PCDHGB2: variants seen among roughly 807,000 people sequenced by gnomAD.
The protein encoded by PCDHGB2 is protocadherin gamma-B2.
PCDHGB2 carries 55 observed loss-of-function variants against 59.3 expected under a neutral mutation model. The observed-to-expected ratio is 0.93, with a 90% CI of 0.75 to 1.16. The LOEUF (loss-of-function observed/expected upper bound fraction) is 1.16, where lower values mean the gene tolerates loss of function less well. Among genes scored for constraint, PCDHGB2 ranks in the 50% most tolerant of loss-of-function variants. PCDHGB2 has a pLI of 0.00. For missense variants in PCDHGB2, 1,228 were observed against 1,198.5 expected, an observed-to-expected ratio of 1.02 and a Z score of -0.36; for synonymous variants, 516 against 512.0, an observed-to-expected ratio of 1.01 and a Z score of -0.11.
chr5:141,469,155 A>C (rs1342352040), intron 1 of PCDHGB2, among the ~76,000 whole-genome samples: 3 of 152,108 alleles, frequency 2.0e-5, no homozygotes, highest in Admixed American at 1.3e-4. Context: ...ACATGTCTGT[A>C]GTCCCAGCTA....
chr5:141,378,118 C>T (rs1196603036), intron 1 of PCDHGB2: 3 of 152,190 alleles, frequency 2.0e-5, no homozygotes, highest in Non-Finnish European at 4.4e-5. Context: ...ATAGTGAACA[C>T]GTATTTGTTG....
intron 1 of PCDHGB2, chr5:141,392,843 C>T (rs77141792): frequency 0.027 from 43,247 of 1,608,962 alleles, 854 homozygotes; most frequent in African/African-American, 0.093. Context: ...GCCCCAGACG[C>T]GGCGAGCTGA....
intron 3 of PCDHGB2, among the ~76,000 whole-genome samples, chr5:141,509,044 C>G (rs1385744160): frequency 1.3e-5 from 2 of 152,130 alleles, no homozygotes. Flanking sequence ...CCCTCTCCCC[C>G]GCCCCCAGAA....
chr5:141,382,044 G>T (rs940702463), intron 1 of PCDHGB2, among the ~76,000 whole-genome samples: 4 of 151,760 alleles, frequency 2.6e-5, no homozygotes, highest in African/African-American at 9.7e-5. Flanking sequence ...GGTCAGGCTG[G>T]TCTCAAGCTC....
intron 1 of PCDHGB2, among the ~76,000 whole-genome samples, chr5:141,460,620 C>G (rs185269852): frequency 5.6e-4 from 85 of 151,856 alleles, no homozygotes; most frequent in African/African-American, 1.9e-3. Context: ...GATAGATAGA[C>G]AGATACAGAT....
chr5:141,377,157 T>C (rs1773738723), intron 1 of PCDHGB2: 1 of 152,278 alleles, frequency 6.6e-6, no homozygotes, highest in South Asian at 2.1e-4. Context: ...GTCCTAGTTT[T>C]TCTTTACCTT....
chr5:141,361,341 C>G lies in PCDHGB2; in HGVS notation c.1206C>G (p.Tyr402Ter). ...TGAAATCTTCCTCAAAGAACTATTA[C>G]AAACTAGTGACAGACGGCGCTCTGG... is the stretch of plus-strand genomic sequence containing the variant. Reference protein sequence around the residue: ...FILKSSSKNYYKLVTDGALDR... With the variant: ...FILKSSSKNY Residue 402 changes from tyrosine to a stop codon, truncating the protein, a stop_gained, in exon 1 of 4, where the codon TAC becomes TAG. Transcript: ENST00000522605. LOFTEE classifies it high-confidence loss of function. The G allele has an allele frequency of 6.2e-7, 1 of 1,613,988 alleles. No individual in the cohort carries two copies. The highest frequency in any genetic ancestry group is 1.1e-5 in the South Asian group (1 of 91,082).
At chr5:141,468,924 C>G (rs1434433938) in intron 1 of PCDHGB2, among the ~76,000 whole-genome samples, 1 of 150,520 alleles carries the variant, frequency 6.6e-6, no homozygotes, top group Non-Finnish European at 1.5e-5. Context: ...GAGAATAGCA[C>G]TAAAATGGGA....
chr5:141,390,371 T>C (rs761971479), intron 1 of PCDHGB2: 15 of 1,499,488 alleles, frequency 1.0e-5, no homozygotes, highest in Non-Finnish European at 3.6e-6. Context: ...GGAAAATATA[T>C]AATTTTTAGA....
intron 1 of PCDHGB2, among the ~76,000 whole-genome samples, chr5:141,484,319 C>T (rs1191113560): frequency 6.6e-6 from 1 of 152,212 alleles, no homozygotes; most frequent in Non-Finnish European, 1.5e-5. Context: ...CGCTTCCATA[C>T]TGTCCTTGAA....
Position 141,490,778 on chromosome 5 carries a change from A to T in PCDHGB2, c.2422-4029A>T, listed in dbSNP as rs964301520. The T allele has an allele frequency of 5.6e-6, 9 of 1,614,098 alleles. No individual in the cohort carries two copies. The highest frequency in any genetic ancestry group is 7.6e-6 in the Non-Finnish European group (9 of 1,179,962). On this transcript the variant is annotated intron_variant, in intron 1 of 3. Transcript: ENST00000522605. This position sits in a 1 kb window ranked among gnomAD's most constrained non-coding sequence, Gnocchi z 5.4. ...TCCTTTGTGTATGTCAACCCAGAGG[A>T]TGGACGGATCTTTGCCCAGCGTACC... is the stretch of plus-strand genomic sequence containing the variant.
chr5:141,471,112 G>A (rs1442344944), intron 1 of PCDHGB2, among the ~76,000 whole-genome samples: 3 of 147,914 alleles, frequency 2.0e-5, no homozygotes, highest in Non-Finnish European at 4.4e-5. Flanking sequence ...GCAGTGGTGC[G>A]ATCTTACCTT....
intron 1 of PCDHGB2, chr5:141,478,592 TC>T: frequency 6.4e-7 from 1 of 1,570,334 alleles, no homozygotes; most frequent in Non-Finnish European, 8.6e-7. Flanking sequence ...GCTTTTTTAT[TC>T]CTACATCATA....
chr5:141,432,025 G>T lies in PCDHGB2; in HGVS notation c.2422-62782G>T. ...AGGTTCCTAGCTACAACATCACAGT[G>T]ACCGCCACTGACCGGGGAACCCCGC... On this transcript the variant is annotated intron_variant, in intron 1 of 3. Coordinates refer to ENST00000522605, the MANE Select transcript of PCDHGB2 (RefSeq NM_018923.3). The surrounding 1 kb of genome is among the most constrained non-coding windows in gnomAD (Gnocchi z 6.0). The T allele has an allele frequency of 6.2e-7, 1 of 1,614,158 alleles. No homozygotes were observed. The highest frequency in any genetic ancestry group is 1.1e-5 in the South Asian group (1 of 91,058).
At chr5:141,438,875 A>G (rs2098071820) in intron 1 of PCDHGB2, among the ~76,000 whole-genome samples, 1 of 151,738 alleles carries the variant, frequency 6.6e-6, no homozygotes. Flanking sequence ...CAAGTTGGCC[A>G]GGCTGCTCTT....
chr5:141,375,166 T>A (rs1179986488), intron 1 of PCDHGB2: 2 of 1,613,966 alleles, frequency 1.2e-6, no homozygotes, highest in East Asian at 2.2e-5. Flanking sequence ...AAAGTGCACC[T>A]CCAGGAACAG....
chr5:141,414,251 C>T, intron 1 of PCDHGB2: 3 of 1,613,346 alleles, frequency 1.9e-6, no homozygotes, highest in Non-Finnish European at 2.5e-6. Context: ...CTATTTAGTC[C>T]AGTGACTGAA....
intron 1 of PCDHGB2, chr5:141,383,409 C>A (rs199780721): frequency 4.3e-6 from 7 of 1,613,892 alleles, no homozygotes; most frequent in Non-Finnish European, 5.9e-6. Flanking sequence ...TCCAGAGTTA[C>A]CAGCTCAGCC....
chr5:141,476,551 C>A lies in PCDHGB2; in HGVS notation c.2422-18256C>A, dbSNP rs367700651. 6.2e-7 allele frequency: 1 copy of A among 1,614,196 alleles called. No individual in the cohort carries two copies. The highest frequency in any genetic ancestry group is 1.7e-5 in the Admixed American group (1 of 60,028). ...CCCAGGAAATGAAATTGGAGATTAG[C>A]GAGGCCGTGGCTCCGGGGACGCGCT... On this transcript the variant is annotated intron_variant, in intron 1 of 3. Transcript: ENST00000522605. This position sits in a 1 kb window ranked among gnomAD's most constrained non-coding sequence, Gnocchi z 7.6.
Sources: gnomAD v4.1 joint callset for allele counts (sites outside exome capture counted in the v4.1 genomes callset) on GRCh38, gnomAD v4.1.1 for gene constraint, Gnocchi (gnomAD v3.1) non-coding constraint, MANE v1.5 for transcripts, NCBI Gene and HGNC (gene_info 2026-07-23, HGNC 2026-07-21) for gene names.